SLC35F1: variants seen among roughly 807,000 people sequenced by gnomAD.
The protein encoded by SLC35F1 is solute carrier family 35 member F1, also known as chromosome 6 open reading frame 169.
In SLC35F1, 14 loss-of-function variants were observed where a neutral mutation model predicts 48.7. That is an observed-to-expected ratio of 0.29 (90% CI 0.19 to 0.45). The LOEUF is 0.45. Among genes scored for constraint, SLC35F1 ranks in the 20% least tolerant of loss-of-function variants. SLC35F1 has a pLI of 1.00. For synonymous variants in SLC35F1, 190 were observed against 202.2 expected (o/e 0.94, Z 0.51); for missense variants, 404 against 500.0 (o/e 0.81, Z 1.83).
intron 2 of SLC35F1, among the ~76,000 whole-genome samples, chr6:118,185,788 G>T: frequency 6.6e-6 from 1 of 152,142 alleles, no homozygotes; most frequent in Admixed American, 6.5e-5. Flanking sequence ...GAGAGCCTTG[G>T]TCCAAGCACC....
chr6:117,914,303 T>C (rs1289066496), intron 1 of SLC35F1, among the ~76,000 whole-genome samples: 1 of 149,928 alleles, frequency 6.7e-6, no homozygotes, highest in African/African-American at 2.4e-5. Flanking sequence ...AGTTCCGAGA[T>C]TATAAGCCAC....
At chr6:118,300,148 T>G (rs1436998127) in intron 7 of SLC35F1, among the ~76,000 whole-genome samples, 1 of 152,204 alleles carries the variant, frequency 6.6e-6, no homozygotes, top group Non-Finnish European at 1.5e-5. Flanking sequence ...ATTACATCTG[T>G]ACTGAACCTT....
intron 1 of SLC35F1, among the ~76,000 whole-genome samples, chr6:118,064,654 T>C (rs983800358): frequency 6.6e-6 from 1 of 152,166 alleles, no homozygotes; most frequent in African/African-American, 2.4e-5. Flanking sequence ...AGACTTAGGG[T>C]GCTTAGATTT....
chr6:117,910,535 C>T (rs1252324461), intron 1 of SLC35F1, among the ~76,000 whole-genome samples: 1 of 152,206 alleles, frequency 6.6e-6, no homozygotes, highest in African/African-American at 2.4e-5. Flanking sequence ...CAACTTAGCT[C>T]CTAGCAGAAA....
intron 2 of SLC35F1, among the ~76,000 whole-genome samples, chr6:118,184,152 AATATAAC>A (rs1774622914): frequency 6.6e-6 from 1 of 152,218 alleles, no homozygotes; most frequent in Non-Finnish European, 1.5e-5. Context: ...CACAAGTAAC[AATATAAC>A]ATATACTATG....
intron 1 of SLC35F1, among the ~76,000 whole-genome samples, chr6:117,945,412 C>T (rs1776284383): frequency 6.6e-6 from 1 of 152,052 alleles, no homozygotes; most frequent in Non-Finnish European, 1.5e-5. Context: ...TGGCTTAATC[C>T]CCATCCTGCA....
chr6:118,278,773 G>C (rs993687115), intron 6 of SLC35F1, among the ~76,000 whole-genome samples: 2 of 152,210 alleles, frequency 1.3e-5, no homozygotes, highest in African/African-American at 4.8e-5. Context: ...AAAACAAAAT[G>C]TTACCTGTGC....
intron 3 of SLC35F1, among the ~76,000 whole-genome samples, chr6:118,236,814 A>T (rs955455739): frequency 6.6e-6 from 1 of 152,182 alleles, no homozygotes; most frequent in Non-Finnish European, 1.5e-5. Context: ...TTTTAGACTG[A>T]TGTTGGAAGA....
intron 1 of SLC35F1, among the ~76,000 whole-genome samples, chr6:118,027,079 G>T (rs970352163): frequency 6.6e-6 from 1 of 152,102 alleles, no homozygotes; most frequent in Non-Finnish European, 1.5e-5. Context: ...TTGTGTCTGG[G>T]TTCTTTTACT....
chr6:117,982,763 CA>C (rs1776797606), intron 1 of SLC35F1, among the ~76,000 whole-genome samples: 1 of 152,022 alleles, frequency 6.6e-6, no homozygotes, highest in Non-Finnish European at 1.5e-5. Context: ...TACTTCTACT[CA>C]AAGAGAATGA....
intron 1 of SLC35F1, among the ~76,000 whole-genome samples, chr6:118,142,232 C>A (rs368138890): frequency 6.2e-4 from 94 of 152,242 alleles, no homozygotes; most frequent in African/African-American, 2.2e-3. Context: ...TTTTCACTCC[C>A]AGCCCCCTCA....
At chr6:118,033,842 C>G (rs981531933) in intron 1 of SLC35F1, among the ~76,000 whole-genome samples, 8 of 152,174 alleles carry the variant, frequency 5.3e-5, no homozygotes, top group Non-Finnish European at 1.5e-5. Flanking sequence ...GCATTTAGAT[C>G]TCTTCTGTGA....
At position 118,264,165 on chromosome 6, in the gene SLC35F1, G is replaced by T. The variant is rs189140376; in HGVS notation, c.478-2830G>T. On this transcript the variant is annotated intron_variant, in intron 3 of 7. Coordinates refer to ENST00000360388, the MANE Select transcript of SLC35F1 (RefSeq NM_001029858.4). ...TTTGCAAATGTGTAGAATGTTTAACGGTCAAGGCCCAGCAATGCTAACTGC... is the reference window on the plus strand; with the variant it reads ...TTTGCAAATGTGTAGAATGTTTAACTGTCAAGGCCCAGCAATGCTAACTGC... Among the ~76,000 whole-genome samples the T allele has an allele frequency of 2.1e-3, 314 of 152,286 alleles. 6 individuals carry two copies. The highest frequency in any genetic ancestry group is 2.5e-3 in the South Asian group (12 of 4,818).
chr6:118,126,228 G>T (rs535387408), intron 1 of SLC35F1, among the ~76,000 whole-genome samples: 4 of 152,090 alleles, frequency 2.6e-5, no homozygotes, highest in African/African-American at 9.7e-5. Flanking sequence ...CTTTTGTTAG[G>T]ATTAGATGGA....
At chr6:118,177,451 A>T (rs55923833) in intron 2 of SLC35F1, among the ~76,000 whole-genome samples, 1 of 152,064 alleles carries the variant, frequency 6.6e-6, no homozygotes. Context: ...ACAGTTAAGC[A>T]GTTCCCTTCC....
chr6:118,020,376 G>A (rs1777378014), intron 1 of SLC35F1, among the ~76,000 whole-genome samples: 2 of 152,180 alleles, frequency 1.3e-5, no homozygotes, highest in Admixed American at 1.3e-4. Flanking sequence ...CACTGTCGAG[G>A]CTGCACAGTC....
At chr6:118,150,557 C>T (rs1044360974) in intron 1 of SLC35F1, among the ~76,000 whole-genome samples, 4 of 152,126 alleles carry the variant, frequency 2.6e-5, no homozygotes, top group Admixed American at 2.6e-4. Context: ...CTGCAGGAAT[C>T]CATGTCATAG....
chr6:118,070,185 T>G (rs990456007), intron 1 of SLC35F1, among the ~76,000 whole-genome samples: 1 of 136,562 alleles, frequency 7.3e-6, no homozygotes, highest in Non-Finnish European at 1.6e-5. Context: ...TAATTAAAGA[T>G]AAGTTGATGC....
chr6:117,928,658 A>G (rs1202035336), intron 1 of SLC35F1, among the ~76,000 whole-genome samples: 1 of 152,154 alleles, frequency 6.6e-6, no homozygotes. Flanking sequence ...AGTTTGCTCT[A>G]TGTTCATACA....
Sources: gnomAD v4.1 joint callset for allele counts (sites outside exome capture counted in the v4.1 genomes callset) on GRCh38, gnomAD v4.1.1 for gene constraint, MANE v1.5 for transcripts, NCBI Gene and HGNC (gene_info 2026-07-23, HGNC 2026-07-21) for gene names.